SDHA: variants seen among roughly 807,000 people sequenced by gnomAD.
The protein encoded by SDHA is succinate dehydrogenase complex flavoprotein subunit A.
In SDHA, 48 loss-of-function variants were observed where a neutral mutation model predicts 78.4. The observed-to-expected ratio is 0.61, with a 90% confidence interval of 0.49 to 0.78. The LOEUF is 0.78. SDHA is among the 30% of genes least tolerant of loss of function. The pLI is 0.00. For synonymous variants in SDHA, 326 were observed against 353.9 expected (o/e 0.92, Z 0.88); for missense variants, 680 against 892.7 (o/e 0.76, Z 3.04).
At chr5:265,577 G>A in the SDHA span, among the ~76,000 whole-genome samples, 2 of 152,166 alleles carry the variant, frequency 1.3e-5, no homozygotes, top group Non-Finnish European at 2.9e-5. Flanking sequence ...CTTTACAGAA[G>A]AATTCCTGCA....
At chr5:229,287 A>C (rs1468606083) in intron 6 of SDHA, among the ~76,000 whole-genome samples, 1 of 152,264 alleles carries the variant, frequency 6.6e-6, no homozygotes, top group Non-Finnish European at 1.5e-5. Context: ...ATGAAATCAG[A>C]AGCTCAAAGA....
rs1339160782 is a variant in SDHA, at chr5:256,424, G to A, written c.*4G>A. On this transcript the variant is annotated 3_prime_UTR_variant, in exon 15 of 15. Coordinates refer to ENST00000264932, the MANE Select transcript of SDHA (RefSeq NM_004168.4). ...GCCAGCCATTCGCTCCTACTGATGA[G>A]ACAAGATGTGGTGATGACAGAATCA... 1.2e-6 allele frequency: 2 copies of A among 1,608,476 alleles called. No individual in the cohort carries two copies. Among genetic ancestry groups the A allele is most frequent in the African/African-American group, 2.7e-5 (2 of 74,662 alleles).
chr5:263,297 C>A, the SDHA span, among the ~76,000 whole-genome samples: 1 of 151,918 alleles, frequency 6.6e-6, no homozygotes, highest in African/African-American at 2.4e-5. Flanking sequence ...TTAATGATGT[C>A]TTTTTTGGCA....
At chr5:263,414 A>C in the SDHA span, among the ~76,000 whole-genome samples, 1 of 152,192 alleles carries the variant, frequency 6.6e-6, no homozygotes, top group Admixed American at 6.6e-5. Flanking sequence ...CAGCAGCTTG[A>C]ATAAATCTGA....
At chr5:235,476 C>T (rs1224723806) in intron 9 of SDHA, 137 bp downstream of exon 9, 4 of 887,798 alleles carry the variant, frequency 4.5e-6, no homozygotes, top group Non-Finnish European at 7.4e-6. Context: ...TTCTAGATTG[C>T]ACTTTAAATT....
At position 223,411 on chromosome 5, in the gene SDHA, AT is replaced by A. The variant is rs563937944; in HGVS notation, c.64-69del. 279 of 1,129,988 alleles carry A rather than the reference AT, an allele frequency of 2.5e-4. 2 individuals carry two copies. The African/African-American group carries it at 3.7e-3, about 15-fold the overall frequency. 70.0% of individuals were successfully genotyped at this position (1,129,988 alleles called of 1,614,324 possible). The stretch of plus-strand genomic sequence containing the variant: ...GAAGGTGAACAGTTTGCAAGGGGAA[AT>A]TACTATCCCCCACAGCATTTGTTCC... On this transcript the variant is annotated intron_variant, in intron 1 of 14. Transcript: ENST00000264932.
chr5:224,982 G>A (rs1311600884), intron 3 of SDHA: 5 of 332,290 alleles, frequency 1.5e-5, no homozygotes, highest in African/African-American at 8.5e-5. Flanking sequence ...GCGACTCTGA[G>A]TGTGGAGTTT....
chr5:244,397 A>T (rs191737413), intron 11 of SDHA, among the ~76,000 whole-genome samples: 45 of 152,206 alleles, frequency 3.0e-4, no homozygotes, highest in Middle Eastern at 3.4e-3. Flanking sequence ...AAATTGTTAC[A>T]TCTACTTCTG....
At chr5:253,540 G>T (rs1736985920) in intron 13 of SDHA, among the ~76,000 whole-genome samples, 2 of 152,140 alleles carry the variant, frequency 1.3e-5, no homozygotes, top group African/African-American at 4.8e-5. Context: ...CCGGGTTCAA[G>T]TGATTCTCCT....
At chr5:231,056 T>C (rs1197185281) in intron 7 of SDHA, 56 bp downstream of exon 7, 2 of 1,594,754 alleles carry the variant, frequency 1.3e-6, no homozygotes, top group East Asian at 4.5e-5. Flanking sequence ...CTTGTAAGCA[T>C]GTGATGCCTA....
At chr5:248,016 C>T (rs971558925) in intron 11 of SDHA, among the ~76,000 whole-genome samples, 6 of 152,208 alleles carry the variant, frequency 3.9e-5, no homozygotes, top group Admixed American at 1.3e-4. Flanking sequence ...TTGAGCCTGC[C>T]TAAAGGCCAG....
chr5:225,732 A>C (rs1734978798), intron 4 of SDHA, 151 bp from the exon 5 acceptor site: 1 of 1,356,380 alleles, frequency 7.4e-7, no homozygotes, highest in Admixed American at 1.8e-5. Flanking sequence ...ATGTAACAAG[A>C]AAACTTCTCT....
At chr5:228,818 AC>A (rs951857889) in intron 6 of SDHA, among the ~76,000 whole-genome samples, 7 of 152,132 alleles carry the variant, frequency 4.6e-5, no homozygotes, top group African/African-American at 1.7e-4. Flanking sequence ...AATCAGCAAA[AC>A]TACAGGTTGG....
chr5:258,766 C>T (rs1396403803), downstream of SDHA, among the ~76,000 whole-genome samples: 27 of 74,746 alleles, frequency 3.6e-4, no homozygotes, highest in South Asian at 9.4e-4. Flanking sequence ...GAGCTCCGCC[C>T]CCCGCCACAG....
intron 9 of SDHA, chr5:235,807 C>T (rs1483933799): frequency 1.1e-5 from 3 of 270,336 alleles, no homozygotes; most frequent in East Asian, 2.0e-4. Flanking sequence ...CTCCACCTGC[C>T]GTGCTCCTGG....
In SDHA at chr5:228,311, A is replaced by G. The variant is rs1735177925; in HGVS notation, c.748A>G (p.Lys250Glu). ...EDGSIHRIRA[K>E]NTVVATGGYG... ...CGGGTCCATCCATCGCATAAGAGCA[A>G]AGAACACTGTTGTTGCCACAGGGTA... is the stretch of plus-strand genomic sequence containing the variant. The change falls in exon 6 of 15, where the codon AAG becomes GAG. Residue 250 changes from lysine (K) to glutamate (E), a missense_variant. Lys to Glu is a moderately conservative substitution (Grantham distance 56). Transcript: ENST00000264932. 1 of 1,614,040 alleles carries G rather than the reference A, an allele frequency of 6.2e-7. No homozygotes were observed. The highest frequency in any genetic ancestry group is 1.3e-5 in the African/African-American group (1 of 75,050).
intron 14 of SDHA, among the ~76,000 whole-genome samples, chr5:255,128 G>A (rs1429736525): frequency 2.7e-5 from 2 of 72,792 alleles, no homozygotes; most frequent in Non-Finnish European, 6.4e-5. Flanking sequence ...ACAGCCAGCC[G>A]AGGGTGTGGT....
chr5:227,890 C>T (rs911316922), intron 5 of SDHA: 5 of 408,030 alleles, frequency 1.2e-5, no homozygotes, highest in African/African-American at 6.2e-5. Context: ...AGTGGAGCTG[C>T]ATGCGGCCAC....
rs564398700 is a variant in SDHA, at chr5:231,034, GCTTGTGTGTGT to G, written c.895+40_895+50del. 233 of 1,613,160 alleles carry G rather than the reference GCTTGTGTGTGT, an allele frequency of 1.4e-4. 1 individual carries two copies. The South Asian group carries it at 2.4e-3, about 17-fold the overall frequency. ...GGACGCCTTGCCCGGCAGGTGTTTG[GCTTGTGTGTGT>G]CTTGTAAGCATGTGATGCCTACTCA... On this transcript the variant is annotated intron_variant, in intron 7 of 14. Coordinates refer to ENST00000264932, the MANE Select transcript of SDHA (RefSeq NM_004168.4).
Sources: gnomAD v4.1 joint callset for allele counts (sites outside exome capture counted in the v4.1 genomes callset) on GRCh38, gnomAD v4.1.1 for gene constraint, MANE v1.5 for transcripts, NCBI Gene and HGNC (gene_info 2026-07-23, HGNC 2026-07-21) for gene names.